IFNG-AS1: variants seen among roughly 807,000 people sequenced by gnomAD.
The protein encoded by IFNG-AS1 is IFNG antisense RNA 1 (non-protein coding).
chr12:68,013,811 G>C (rs1438787137), intron 3 of IFNG-AS1, among the ~76,000 whole-genome samples: 1 of 152,124 alleles, frequency 6.6e-6, no homozygotes, highest in Non-Finnish European at 1.5e-5. Context: ...TTTCCCATAG[G>C]ATATTGGGGT....
intron 1 of IFNG-AS1, among the ~76,000 whole-genome samples, chr12:67,993,935 A>G (rs1166942943): frequency 6.6e-6 from 1 of 152,248 alleles, no homozygotes; most frequent in African/African-American, 2.4e-5. Context: ...AAGTATGTCT[A>G]AATGGTAGCC....
chr12:68,009,073 C>A (rs898485980), intron 3 of IFNG-AS1, among the ~76,000 whole-genome samples: 26 of 152,200 alleles, frequency 1.7e-4, no homozygotes, highest in African/African-American at 6.0e-4. Flanking sequence ...AATATCTCCC[C>A]TCCTTGTGCC....
intron 3 of IFNG-AS1, among the ~76,000 whole-genome samples, chr12:68,009,641 TG>T (rs1879981014): frequency 6.6e-6 from 1 of 152,080 alleles, no homozygotes. Flanking sequence ...GTGCCTGGCC[TG>T]GAACAGTTTT....
At chr12:67,995,679 G>A (rs182219046) in intron 1 of IFNG-AS1, among the ~76,000 whole-genome samples, 17 of 147,188 alleles carry the variant, frequency 1.2e-4, no homozygotes, top group South Asian at 4.3e-4. Context: ...CCAAGATTGC[G>A]CCACTGCACT....
chr12:67,999,049 T>G (rs1300287506), intron 2 of IFNG-AS1, among the ~76,000 whole-genome samples: 1 of 152,178 alleles, frequency 6.6e-6, no homozygotes, highest in East Asian at 1.9e-4. Flanking sequence ...ATTAACACTG[T>G]AATACTGGAC....
intron 3 of IFNG-AS1, among the ~76,000 whole-genome samples, chr12:68,012,194 C>A (rs1470097487): frequency 6.6e-6 from 1 of 152,136 alleles, no homozygotes; most frequent in Non-Finnish European, 1.5e-5. Context: ...ATTGGTTTTA[C>A]TCTTCATGCC....
intron 3 of IFNG-AS1, among the ~76,000 whole-genome samples, chr12:68,012,866 A>T (rs1484485369): frequency 6.6e-6 from 1 of 152,184 alleles, no homozygotes; most frequent in Non-Finnish European, 1.5e-5. Context: ...ATTCTATAAA[A>T]ACAACAACAG....
chr12:68,017,253 A>G (rs1374746400), intron 3 of IFNG-AS1, among the ~76,000 whole-genome samples: 1 of 152,174 alleles, frequency 6.6e-6, no homozygotes, highest in Non-Finnish European at 1.5e-5. Context: ...AAACCTGTAA[A>G]TAAGCATGGG....
At chr12:68,015,030 GAACAA>G (rs1462812562) in intron 3 of IFNG-AS1, among the ~76,000 whole-genome samples, 1 of 152,094 alleles carries the variant, frequency 6.6e-6, no homozygotes, top group Non-Finnish European at 1.5e-5. Flanking sequence ...AAACATGTCA[GAACAA>G]ACACAATTTT....
chr12:68,003,935 T>C (rs1879845856), intron 2 of IFNG-AS1, among the ~76,000 whole-genome samples: 1 of 56,892 alleles, frequency 1.8e-5, no homozygotes, highest in South Asian at 6.3e-4. Flanking sequence ...TCCGTATTAA[T>C]TTGGCCACTA....
intron 3 of IFNG-AS1, among the ~76,000 whole-genome samples, chr12:68,018,701 G>C (rs935268609): frequency 6.6e-6 from 1 of 152,050 alleles, no homozygotes; most frequent in East Asian, 1.9e-4. Context: ...GAGAGTGGCT[G>C]TATGTGCTGT....
intron 3 of IFNG-AS1, among the ~76,000 whole-genome samples, chr12:68,014,279 ATCTT>A (rs1481510580): frequency 6.6e-6 from 1 of 152,168 alleles, no homozygotes; most frequent in African/African-American, 2.4e-5. Context: ...GCATAATGAC[ATCTT>A]GTCCTCTGGG....
intron 3 of IFNG-AS1, among the ~76,000 whole-genome samples, chr12:68,012,314 C>A (rs1880050771): frequency 6.6e-6 from 1 of 152,142 alleles, no homozygotes; most frequent in Non-Finnish European, 1.5e-5. Context: ...ATGCTTTGCC[C>A]CATATGAGGC....
At chr12:67,990,742 G>T (rs926546820) in intron 1 of IFNG-AS1, among the ~76,000 whole-genome samples, 2 of 152,096 alleles carry the variant, frequency 1.3e-5, no homozygotes, top group South Asian at 4.1e-4. Context: ...ACAGGTGCCT[G>T]TCACCATGCC....
At chr12:68,004,465 CGT>C (rs1879862495) in intron 2 of IFNG-AS1, among the ~76,000 whole-genome samples, 1 of 152,152 alleles carries the variant, frequency 6.6e-6, no homozygotes. Context: ...CTGATATAAT[CGT>C]GTGGTAGCAA....
rs147105471 is a variant in IFNG-AS1 at position 68,010,604 on chromosome 12, G to A, written n.241+4458G>A. 6.0e-4 allele frequency among the ~76,000 whole-genome samples: 92 copies of A among 152,206 alleles called. No homozygotes were observed. The East Asian group carries it at 0.017, about 28-fold the overall frequency. On this transcript the variant is annotated intron_variant and non_coding_transcript_variant, in intron 3 of 5. Transcript: ENST00000536914. Reference sequence around the variant, plus strand: ...ATTCCAAGTTTACCTTTTAGGTCTTGTTCTTGTTTAATGAACTCTTGCTGA... The same window carrying A: ...ATTCCAAGTTTACCTTTTAGGTCTTATTCTTGTTTAATGAACTCTTGCTGA...
Position 68,000,836 on chromosome 12 carries a change from A to T in IFNG-AS1, n.184+4763A>T, listed in dbSNP as rs539240430. ...AGGATATGACCTGGGTAATGAAGTA[A>T]TTTTTTTATAAATTAATCCTAGTTA... is the stretch of plus-strand genomic sequence containing the variant. On this transcript the variant is annotated intron_variant and non_coding_transcript_variant, in intron 2 of 5. Transcript: ENST00000536914. Among the ~76,000 whole-genome samples, 16 of 152,114 alleles carry T rather than the reference A, an allele frequency of 1.1e-4. No homozygotes were observed. In the South Asian group the frequency reaches 2.3e-3, roughly 22 times the overall value.
rs199569732 is a variant in IFNG-AS1, at chr12:67,999,124, AAGAT to A, written n.184+3065_184+3068del. On this transcript the variant is annotated intron_variant and non_coding_transcript_variant, in intron 2 of 5. Transcript: ENST00000536914. The stretch of plus-strand genomic sequence containing the variant: ...AGATGATAGATAATAGATAATAGAT[AAGAT>A]AGATAGATAGATATAAATAGGAATC... 2.0e-3 allele frequency among the ~76,000 whole-genome samples: 311 copies of A among 152,266 alleles called. 1 individual carries two copies. Among genetic ancestry groups the A allele is most frequent in the African/African-American group, 3.4e-3 (141 of 41,582 alleles).
intron 2 of IFNG-AS1, among the ~76,000 whole-genome samples, chr12:67,997,896 A>T (rs1386661991): frequency 6.6e-6 from 1 of 152,078 alleles, no homozygotes; most frequent in Non-Finnish European, 1.5e-5. Context: ...GATAGCAAAA[A>T]ATGTTTAATA....
Sources: gnomAD v4.1 joint callset for allele counts (sites outside exome capture counted in the v4.1 genomes callset) on GRCh38, gnomAD v4.1.1 for gene constraint, MANE v1.5 for transcripts, NCBI Gene and HGNC (gene_info 2026-07-23, HGNC 2026-07-21) for gene names.